Variants in TLR1 observed in about 807,000 individuals in gnomAD.
The protein encoded by TLR1 is toll-like receptor 1.
Under a neutral mutation model 20.2 loss-of-function variants are expected in TLR1, and 19 were observed. The ratio of observed to expected loss-of-function variants is 0.94; its 90% CI spans 0.66 to 1.38. The LOEUF is 1.38. TLR1 is among the 40% of genes most tolerant of loss of function. The pLI, the probability that TLR1 is intolerant of heterozygous loss-of-function variation, is 0.00. For missense variants in TLR1, 921 were observed against 910.0 expected, an observed-to-expected ratio of 1.01 and a Z score of -0.16; for synonymous variants, 320 against 334.5, an observed-to-expected ratio of 0.96 and a Z score of 0.47.
chr4:38,801,412 T>C (rs1461724558), intron 2 of TLR1, among the ~76,000 whole-genome samples: 2 of 152,222 alleles, frequency 1.3e-5, no homozygotes, highest in East Asian at 3.9e-4. Flanking sequence ...GTCTGTTGTT[T>C]ATAAGTCACC....
rs1015047971 is a variant in TLR1 at position 38,797,345 on chromosome 4, A to T, written c.1487T>A (p.Ile496Asn). The change falls in exon 4 of 4, where the codon ATC becomes AAC. Residue 496 changes from isoleucine (I) to asparagine (N), a missense_variant. Transcript: ENST00000308979. ...CGSFSSLSVLIIDHNSVSHPS... is the reference protein window; with the variant it reads ...CGSFSSLSVLNIDHNSVSHPS... Reference sequence around the variant, plus strand: ...GTGGGAAACTGAATTGTGATCAATGATCAATACAGAAAGGCTGCTAAAGCT... The same window carrying T: ...GTGGGAAACTGAATTGTGATCAATGTTCAATACAGAAAGGCTGCTAAAGCT... The T allele has an allele frequency of 1.9e-6, 3 of 1,614,154 alleles. No individual in the cohort carries two copies. Among genetic ancestry groups the T allele is most frequent in the Non-Finnish European group, 1.7e-6 (2 of 1,180,006 alleles).
At position 38,797,027 on chromosome 4, in the gene TLR1, C is replaced by A. The variant is rs5743618; in HGVS notation, c.1805G>T (p.Ser602Ile). 0.36 allele frequency: 587,962 copies of A among 1,613,828 alleles called. 158,240 individuals are homozygous for A. Among genetic ancestry groups the A allele is most frequent in the East Asian group, 0.99 (44,385 of 44,878 alleles). ...VLAVTVTSLC[S>I]YLDLPWYLRM... ...GAGATACCAGGGCAGATCCAAGTAG[C>A]TGCAGAGGGAGGTCACAGTCACAGC... The change falls in exon 4 of 4, where the codon AGC (serine) becomes ATC (isoleucine). Residue 602 changes from serine (S) to isoleucine (I), a missense_variant. Coordinates refer to ENST00000308979, the MANE Select transcript of TLR1 (RefSeq NM_003263.4).
At chr4:38,791,720 A>G (rs533256226), downstream of TLR1, among the ~76,000 whole-genome samples, 1 of 152,372 alleles carries the variant, frequency 6.6e-6, no homozygotes, top group Admixed American at 6.5e-5. Flanking sequence ...AAGAATGATG[A>G]TAATGACATA....
chr4:38,798,771 A>T lies in TLR1; in HGVS notation c.61T>A (p.Leu21Ile), dbSNP rs774505118. 35 of 1,611,772 alleles carry T rather than the reference A, an allele frequency of 2.2e-5. No homozygotes were observed. Among genetic ancestry groups the T allele is most frequent in the Admixed American group, 5.0e-5 (3 of 59,838 alleles). Residue 21 changes from leucine (L) to isoleucine (I), a missense_variant, in exon 4 of 4, where the codon TTA becomes ATA. By Grantham distance (5) the Leu-to-Ile change is conservative (BLOSUM62 2). Coordinates refer to ENST00000308979, the MANE Select transcript of TLR1 (RefSeq NM_003263.4). The stretch of plus-strand genomic sequence containing the variant: ...ACTAAAAATTCACTTTCTTCAGATA[A>T]TTGTATTCTGATCTGAAGTATTAAC... ...FMLILQIRIQ[L>I]SEESEFLVDR...
chr4:38,796,530 A>G lies in TLR1; in HGVS notation c.2302T>C (p.Phe768Leu). The change falls in exon 4 of 4, where the codon TTT (phenylalanine) becomes CTT (leucine). Residue 768 changes from phenylalanine (F) to leucine (L), a missense_variant. Transcript: ENST00000308979. ...WPKEKSKRGL[F>L]WANLRAAINI... is the part of the protein sequence containing the mutation. ...ATGGCTGCCCTTAAGTTAGCCCAAAAAAGGCCACGTTTGCTCTTTTCCTTG... is the reference window on the plus strand; with the variant it reads ...ATGGCTGCCCTTAAGTTAGCCCAAAGAAGGCCACGTTTGCTCTTTTCCTTG... 6.2e-7 allele frequency: 1 copy of G among 1,614,128 alleles called. No individual in the cohort carries two copies. Among genetic ancestry groups the G allele is most frequent in the Non-Finnish European group, 8.5e-7 (1 of 1,179,990 alleles).
At position 38,798,617 on chromosome 4, in the gene TLR1, C is replaced by G. The variant is rs759551895; in HGVS notation, c.215G>C (p.Arg72Thr). The G allele has an allele frequency of 6.2e-7, 1 of 1,613,608 alleles. No homozygotes were observed. The highest frequency in any genetic ancestry group is 1.7e-5 in the Admixed American group (1 of 59,988). ...TSDILSLSKLRILIISHNRIQ... is the reference protein window; with the variant it reads ...TSDILSLSKLTILIISHNRIQ... ...TCTATTATGAGAAATTATCAAAATC[C>G]TCAGTTTTGACAGTGATAAGATGTC... Residue 72 changes from arginine to threonine, a missense_variant, in exon 4 of 4, where the codon AGG becomes ACG. Physicochemically the swap from Arg to Thr is moderately conservative, Grantham distance 71. Coordinates refer to ENST00000308979, the MANE Select transcript of TLR1 (RefSeq NM_003263.4).
At chr4:38,800,281 C>T (rs1726546858) in intron 3 of TLR1, among the ~76,000 whole-genome samples, 1 of 151,994 alleles carries the variant, frequency 6.6e-6, no homozygotes, top group Non-Finnish European at 1.5e-5. Context: ...GGAGTTAGGG[C>T]CAAGATCACT....
At chr4:38,803,966 A>T (rs1019236679) in intron 2 of TLR1, among the ~76,000 whole-genome samples, 1 of 152,218 alleles carries the variant, frequency 6.6e-6, no homozygotes, top group Non-Finnish European at 1.5e-5. Flanking sequence ...CTTAATGGAC[A>T]ATACCCATAC....
intron 2 of TLR1, among the ~76,000 whole-genome samples, chr4:38,802,383 C>T (rs5743583): frequency 2.6e-4 from 39 of 152,148 alleles, no homozygotes; most frequent in African/African-American, 9.4e-4. Flanking sequence ...GGCAAAATGG[C>T]GGACTTCAAC....
At chr4:38,801,927 T>C (rs1337014754) in intron 2 of TLR1, among the ~76,000 whole-genome samples, 1 of 152,248 alleles carries the variant, frequency 6.6e-6, no homozygotes, top group Admixed American at 6.5e-5. Flanking sequence ...CCGGGGGCCA[T>C]GGCTCACGCC....
Position 38,797,628 on chromosome 4 carries a change from G to A in TLR1, c.1204C>T (p.Gln402Ter), listed in dbSNP as rs1410475323. Residue 402 changes from glutamine (Q) to a stop codon, truncating the protein, a stop_gained, in exon 4 of 4, where the codon CAA becomes TAA. Transcript: ENST00000308979. LOFTEE classifies it high-confidence loss of function. ...ACAGAATTCTGGCTAATATCCAATT[G>A]TTGCAGAGACTTCATCTGTGTAGTC... ...EMTTQMKSLQ[Q>*]LDISQNSVSY... 3.7e-6 allele frequency: 6 copies of A among 1,613,670 alleles called. No individual in the cohort carries two copies. Among genetic ancestry groups the A allele is most frequent in the Non-Finnish European group, 5.1e-6 (6 of 1,180,010 alleles).
chr4:38,799,912 C>T (rs796494227), intron 3 of TLR1, among the ~76,000 whole-genome samples: 4 of 152,024 alleles, frequency 2.6e-5, no homozygotes, highest in East Asian at 1.9e-4. Flanking sequence ...AGATAAAGTC[C>T]GAATTCTCAA....
chr4:38,797,485 T>A lies in TLR1; in HGVS notation c.1347A>T (p.Val449=), dbSNP rs1726193833. The A allele has an allele frequency of 6.2e-7, 1 of 1,614,112 alleles. No individual in the cohort carries two copies. Among genetic ancestry groups the A allele is most frequent in the Admixed American group, 1.7e-5 (1 of 60,002 alleles). Residue 449 remains valine, a synonymous_variant, in exon 4 of 4, where the codon GTA becomes GTT. Coordinates refer to ENST00000308979, the MANE Select transcript of TLR1 (RefSeq NM_003263.4). ...TTATTTTATTGCTGTGAAGATCAAGTACCTTGATCCTGGGAGGTAAACATC... is the reference window on the plus strand; with the variant it reads ...TTATTTTATTGCTGTGAAGATCAAGAACCTTGATCCTGGGAGGTAAACATC... ...IFRCLPPRIK[V]LDLHSNKIKS...
downstream of TLR1, among the ~76,000 whole-genome samples, chr4:38,789,826 T>C (rs1232783912): frequency 3.3e-5 from 5 of 152,222 alleles, no homozygotes; most frequent in Non-Finnish European, 7.3e-5. Context: ...CTCTTACTTT[T>C]GGTTAAATTG....
At position 38,796,392 on chromosome 4, in the gene TLR1, G is replaced by A; in HGVS notation, c.*79C>T. 1 of 1,493,278 alleles carries A rather than the reference G, an allele frequency of 6.7e-7. No individual in the cohort carries two copies. The highest frequency in any genetic ancestry group is 9.1e-7 in the Non-Finnish European group (1 of 1,098,644). The allele number at this position is 1,493,278 out of a possible 1,614,324, so 92.5% of individuals were successfully genotyped here. On this transcript the variant is annotated 3_prime_UTR_variant, in exon 4 of 4. Transcript: ENST00000308979. ...TCACAATTGTGTTTACATCTATGCT[G>A]ATGCAAAATAAAGTCATTGTTGGAA...
intron 3 of TLR1, among the ~76,000 whole-genome samples, chr4:38,799,625 C>A (rs1267967899): frequency 2.0e-5 from 3 of 152,204 alleles, no homozygotes; most frequent in Non-Finnish European, 2.9e-5. Flanking sequence ...TTTAGAACTC[C>A]AGCTAAGACT....
Position 38,796,600 on chromosome 4 carries a change from G to GT in TLR1, c.2231dup (p.His744GlnfsTer28). 6.2e-7 allele frequency: 1 copy of GT among 1,614,174 alleles called. No individual in the cohort carries two copies. Among genetic ancestry groups the GT allele is most frequent in the South Asian group, 1.1e-5 (1 of 91,088 alleles). ...TCCTGGCCATGAGACTTTTGAGCTT[G>GT]TGATAACTGCTAGGAATGGAGTACT... On this transcript the variant is annotated frameshift_variant, in exon 4 of 4. Transcript: ENST00000308979. LOFTEE classifies it high-confidence loss of function.
rs775453006 is a variant in TLR1, at chr4:38,797,917, G to A, written c.915C>T (p.His305=). 1.2e-6 allele frequency: 2 copies of A among 1,614,144 alleles called. No individual in the cohort carries two copies. The highest frequency in any genetic ancestry group is 1.1e-5 in the South Asian group (1 of 91,080). Residue 305 remains histidine (H), a synonymous_variant, in exon 4 of 4, where the codon CAC becomes CAT. Transcript: ENST00000308979. ...AACCGAACACATCGCTGACAACTTG[G>A]TGTATAGACAAGGCCTTCAAGGAAG... is the stretch of plus-strand genomic sequence containing the variant. ...SGTSLKALSI[H]QVVSDVFGFP... is the part of the protein sequence containing the mutation.
At chr4:38,805,167 T>C (rs990506012), upstream of TLR1, 1 of 152,242 alleles carries the variant, frequency 6.6e-6, no homozygotes, top group Non-Finnish European at 1.5e-5. Flanking sequence ...GCTGCTTTGT[T>C]TTTCCTCTTG....
Sources: gnomAD v4.1 joint callset for allele counts (sites outside exome capture counted in the v4.1 genomes callset) on GRCh38, gnomAD v4.1.1 for gene constraint, MANE v1.5 for transcripts, NCBI Gene and HGNC (gene_info 2026-07-23, HGNC 2026-07-21) for gene names.